The following LRRC3B variants were observed in gnomAD, a reference collection of about 807,000 sequenced individuals.
LRRC3B encodes the protein leucine-rich repeat-containing protein 3B.
In LRRC3B, 2 loss-of-function variants were observed where a neutral mutation model predicts 12.8. The observed-to-expected ratio is 0.16, with a 90% CI of 0.06 to 0.49. The LOEUF (loss-of-function observed/expected upper bound fraction) is 0.49, where lower values mean the gene tolerates loss of function less well. Ranked by LOEUF, LRRC3B falls within the 20% of genes least tolerant of loss-of-function variation. The probability of loss-of-function intolerance (pLI) is 0.96; values close to 1 mark genes in which losing one functional copy is unlikely to be tolerated. For missense variants in LRRC3B, 189 were observed against 319.4 expected, an observed-to-expected ratio of 0.59 and a Z score of 3.11; for synonymous variants, 132 against 122.0, an observed-to-expected ratio of 1.08 and a Z score of -0.54.
intron 1 of LRRC3B, among the ~76,000 whole-genome samples, chr3:26,684,230 GA>G (rs1346440953): frequency 2.0e-5 from 3 of 152,222 alleles, no homozygotes; most frequent in Non-Finnish European, 4.4e-5. Context: ...AACCAGGGGT[GA>G]AAGTAGATTG....
intron 1 of LRRC3B, among the ~76,000 whole-genome samples, chr3:26,664,874 G>T: frequency 6.6e-6 from 1 of 151,686 alleles, no homozygotes; most frequent in Non-Finnish European, 1.5e-5. Context: ...AATTGAGCAT[G>T]TATCAGAATT....
At chr3:26,659,122 T>A (rs933083509) in intron 1 of LRRC3B, among the ~76,000 whole-genome samples, 1 of 152,246 alleles carries the variant, frequency 6.6e-6, no homozygotes, top group Non-Finnish European at 1.5e-5. Flanking sequence ...AACAGCCATA[T>A]GTATGCTGCC....
intron 1 of LRRC3B, among the ~76,000 whole-genome samples, chr3:26,684,599 C>T (rs1700034386): frequency 6.6e-6 from 1 of 152,198 alleles, no homozygotes; most frequent in Non-Finnish European, 1.5e-5. Context: ...CCTCTTGCTG[C>T]ACCACCACAT....
exon 2 of LRRC3B, chr3:26,710,003 G>A (rs1019519887): frequency 5.6e-6 from 9 of 1,614,010 alleles, no homozygotes; most frequent in African/African-American, 1.3e-5. Flanking sequence ...CTTCAAAGGA[G>A]TAGCTGAAAC....
chr3:26,677,452 AG>A (rs879517142), intron 1 of LRRC3B, among the ~76,000 whole-genome samples: 9 of 152,168 alleles, frequency 5.9e-5, no homozygotes, highest in Admixed American at 2.6e-4. Context: ...CACTGCTGCC[AG>A]GGGGCAGGCT....
At chr3:26,662,563 T>C (rs916443636) in intron 1 of LRRC3B, among the ~76,000 whole-genome samples, 1 of 152,226 alleles carries the variant, frequency 6.6e-6, no homozygotes, top group Non-Finnish European at 1.5e-5. Flanking sequence ...CATTGATAGA[T>C]AGATAGATAG....
intron 1 of LRRC3B, among the ~76,000 whole-genome samples, chr3:26,653,107 A>G (rs1259193190): frequency 6.6e-6 from 1 of 152,100 alleles, no homozygotes; most frequent in Admixed American, 6.5e-5. Context: ...CAAAAAAAAA[A>G]AAAAAGAAAA....
chr3:26,653,665 T>C (rs1317061050), intron 1 of LRRC3B, among the ~76,000 whole-genome samples: 1 of 152,158 alleles, frequency 6.6e-6, no homozygotes, highest in Non-Finnish European at 1.5e-5. Flanking sequence ...CTCTTGATCA[T>C]GCTGGATGTT....
At chr3:26,685,797 A>G (rs1193615742) in intron 1 of LRRC3B, among the ~76,000 whole-genome samples, 3 of 151,800 alleles carry the variant, frequency 2.0e-5, no homozygotes, top group African/African-American at 7.3e-5. Context: ...CTCCTTTCAG[A>G]CTTGGGGTTT....
chr3:26,692,179 G>A (rs553947758), intron 1 of LRRC3B, among the ~76,000 whole-genome samples: 1 of 152,240 alleles, frequency 6.6e-6, no homozygotes, highest in African/African-American at 2.4e-5. Flanking sequence ...ATATCACTTA[G>A]TCCTTTCTAC....
intron 1 of LRRC3B, among the ~76,000 whole-genome samples, chr3:26,676,345 T>C (rs1699861246): frequency 6.6e-6 from 1 of 151,712 alleles, no homozygotes; most frequent in African/African-American, 2.4e-5. Context: ...TTGGTTTTTT[T>C]GTCCTTGCGA....
intron 1 of LRRC3B, among the ~76,000 whole-genome samples, chr3:26,691,327 G>C (rs1330504800): frequency 6.6e-6 from 1 of 151,716 alleles, no homozygotes; most frequent in South Asian, 2.1e-4. Flanking sequence ...CAAATTGGAG[G>C]GGTAGTTATT....
At chr3:26,696,501 C>T (rs2125454526) in intron 1 of LRRC3B, among the ~76,000 whole-genome samples, 1 of 152,206 alleles carries the variant, frequency 6.6e-6, no homozygotes, top group Non-Finnish European at 1.5e-5. Flanking sequence ...CAGACTCTCC[C>T]CTAACTCTTC....
intron 1 of LRRC3B, among the ~76,000 whole-genome samples, chr3:26,676,090 TTATTATTAATAC>T (rs1250439031): frequency 6.6e-6 from 1 of 151,970 alleles, no homozygotes; most frequent in Non-Finnish European, 1.5e-5. Flanking sequence ...TTTTTTTTAA[TTATTATTAATAC>T]TTAAAGTTTT....
At position 26,706,070 on chromosome 3, in the gene LRRC3B, T is replaced by C. The variant is rs529542599; in HGVS notation, c.-160-3443T>C. On this transcript the variant is annotated intron_variant, in intron 1 of 1. Coordinates refer to ENST00000396641, the Ensembl canonical transcript of LRRC3B. ...AGCTCAACATCAAGGTGCCAGAAGA[T>C]TTGGTTTCTGGTGAGATCCTGTTTC... Among the ~76,000 whole-genome samples the C allele has an allele frequency of 4.6e-5, 7 of 152,284 alleles. No homozygotes were observed. The South Asian group carries it at 6.2e-4, about 14-fold the overall frequency.
intron 1 of LRRC3B, among the ~76,000 whole-genome samples, chr3:26,706,681 G>A (rs1700596854): frequency 6.6e-6 from 1 of 152,128 alleles, no homozygotes; most frequent in South Asian, 2.1e-4. Flanking sequence ...ATGACCATTG[G>A]ACTGATCATT....
intron 1 of LRRC3B, among the ~76,000 whole-genome samples, chr3:26,645,573 C>G (rs1049970723): frequency 6.6e-6 from 1 of 151,780 alleles, no homozygotes; most frequent in African/African-American, 2.4e-5. Context: ...TAGATATATA[C>G]ACATGTATAA....
chr3:26,696,920 G>GA (rs758194064), intron 1 of LRRC3B, among the ~76,000 whole-genome samples: 160 of 152,088 alleles, frequency 1.1e-3, no homozygotes, highest in Non-Finnish European at 7.2e-4. Context: ...GATAAAATTT[G>GA]AAAAAATTTT....
At chr3:26,640,470 T>C (rs28450885) in intron 1 of LRRC3B, among the ~76,000 whole-genome samples, 3,507 of 119,284 alleles carry the variant, frequency 0.029, 115 homozygotes, top group African/African-American at 0.12. Flanking sequence ...AACAAACAAA[T>C]GAAAACGCTG....
Sources: allele counts gnomAD v4.1 joint callset (sites outside exome capture counted in the v4.1 genomes callset), GRCh38; gene constraint gnomAD v4.1.1; transcripts MANE v1.5; gene names NCBI Gene and HGNC (gene_info 2026-07-23, HGNC 2026-07-21).